The following MYO9A variants were observed in gnomAD, a reference collection of about 807,000 sequenced individuals.
MYO9A encodes the protein unconventional myosin-IXa.
Under a neutral mutation model 293.3 loss-of-function variants are expected in MYO9A, and 103 were observed. The ratio of observed to expected loss-of-function variants is 0.35; its 90% CI spans 0.30 to 0.41. The LOEUF (loss-of-function observed/expected upper bound fraction) is 0.41, where lower values mean the gene tolerates loss of function less well. Ranked by LOEUF, MYO9A falls within the 10% of genes least tolerant of loss-of-function variation. The pLI is 1.00. For synonymous variants in MYO9A, 1,001 were observed against 1,035.7 expected, an observed-to-expected ratio of 0.97 and a Z score of 0.64; for missense variants, 2,685 against 3,033.0, an observed-to-expected ratio of 0.89 and a Z score of 2.69.
Position 71,897,837 on chromosome 15 carries a change from T to C in MYO9A, c.4666A>G (p.Arg1556Gly), listed in dbSNP as rs374222837. The change falls in exon 25 of 42, where the codon AGG becomes GGG. Residue 1556 changes from arginine to glycine, a missense_variant. Around this residue, in one of 10 missense-constraint regions of MYO9A, gnomAD observed 1,434 missense variants for 1,497.7 expected, o/e 0.96. Transcript: ENST00000356056. ...TTTAAGCTGAGGAGAGAGGATGGCC[T>C]CTCTACTCTTTGCTTTGACTGATAG... Reference protein sequence around the residue: ...SSYQSKQRVERPSSLLSLNTS... With the variant: ...SSYQSKQRVEGPSSLLSLNTS... The C allele has an allele frequency of 2.5e-6, 4 of 1,613,996 alleles. No individual in the cohort carries two copies. The African/African-American group carries it at 5.3e-5, about 22-fold the overall frequency.
intron 12 of MYO9A, among the ~76,000 whole-genome samples, chr15:71,971,024 G>A (rs1221796782): frequency 6.6e-6 from 1 of 151,988 alleles, no homozygotes; most frequent in African/African-American, 2.4e-5. Flanking sequence ...AGCCGGGCAT[G>A]GGGGCGGGCG....
At chr15:71,893,603 T>C in intron 26 of MYO9A, 76 bp downstream of exon 26, 1 of 1,212,780 alleles carries the variant, frequency 8.2e-7, no homozygotes, top group Non-Finnish European at 1.2e-6. Flanking sequence ...GTGCTCTACC[T>C]ACAAGAATAA....
At chr15:71,887,924 T>TA in intron 27 of MYO9A, 80 bp downstream of exon 27, 1 of 785,194 alleles carries the variant, frequency 1.3e-6, no homozygotes, top group Non-Finnish European at 1.9e-6. Flanking sequence ...ATGGTTTTTT[T>TA]AAAAAAGCTC....
intron 18 of MYO9A, among the ~76,000 whole-genome samples, chr15:71,927,177 G>A (rs188304369): frequency 2.6e-5 from 4 of 152,186 alleles, no homozygotes; most frequent in Admixed American, 2.6e-4. Context: ...TTGGCAAAAT[G>A]TCTTTTGGCT....
At chr15:72,037,617 C>A (rs2078095781) in intron 2 of MYO9A, among the ~76,000 whole-genome samples, 1 of 152,126 alleles carries the variant, frequency 6.6e-6, no homozygotes, top group African/African-American at 2.4e-5. Flanking sequence ...ACCACTATAA[C>A]TGAGTACAGT....
intron 15 of MYO9A, among the ~76,000 whole-genome samples, chr15:71,948,445 C>T (rs920743449): frequency 1.3e-5 from 2 of 152,096 alleles, no homozygotes; most frequent in African/African-American, 4.8e-5. Flanking sequence ...AAAAGGAGAA[C>T]ATTTTTGTAC....
intron 39 of MYO9A, among the ~76,000 whole-genome samples, chr15:71,848,222 T>C (rs16953747): frequency 0.072 from 10,944 of 150,982 alleles, 727 homozygotes; most frequent in East Asian, 0.18. Flanking sequence ...GCTGAAGCTA[T>C]TGATTAGTGG....
rs2079449911 is a variant in MYO9A at position 72,078,828 on chromosome 15, A to G, written c.-71-32194T>C. The stretch of plus-strand genomic sequence containing the variant: ...CAAACGAGCTATCGAACCATGAAAA[A>G]ATACAGAGGAATCTTAAATATACAT... On this transcript the variant is annotated intron_variant, in intron 1 of 41. Coordinates refer to ENST00000356056, the MANE Select transcript of MYO9A (RefSeq NM_006901.4). 3.3e-5 allele frequency among the ~76,000 whole-genome samples: 5 copies of G among 152,216 alleles called. No individual in the cohort carries two copies. In the South Asian group the frequency reaches 1.0e-3, roughly 32 times the overall value.
At chr15:72,090,136 G>A (rs1032796766) in intron 1 of MYO9A, among the ~76,000 whole-genome samples, 7 of 152,146 alleles carry the variant, frequency 4.6e-5, no homozygotes, top group African/African-American at 1.4e-4. Flanking sequence ...TAGCCCACTG[G>A]TAAAATTACA....
intron 1 of MYO9A, among the ~76,000 whole-genome samples, chr15:72,112,950 G>A (rs917761846): frequency 1.3e-5 from 2 of 152,056 alleles, no homozygotes; most frequent in African/African-American, 2.4e-5. Context: ...TATATTTTTA[G>A]GCTGGGCACA....
chr15:72,010,068 TTAAG>T (rs1202991161), intron 7 of MYO9A, among the ~76,000 whole-genome samples: 1 of 152,084 alleles, frequency 6.6e-6, no homozygotes, highest in Non-Finnish European at 1.5e-5. Context: ...AGCAAAAGTT[TTAAG>T]TAAGGTCCAT....
At chr15:72,048,266 G>A (rs2078450756) in intron 1 of MYO9A, among the ~76,000 whole-genome samples, 1 of 151,510 alleles carries the variant, frequency 6.6e-6, no homozygotes, top group Non-Finnish European at 1.5e-5. Flanking sequence ...AGGCATGGTG[G>A]CACGTCCCTG....
At chr15:71,893,116 G>A in intron 26 of MYO9A, 1 of 1,290,090 alleles carries the variant, frequency 7.8e-7, no homozygotes, top group Non-Finnish European at 1.0e-6. Flanking sequence ...AGTACCTCTA[G>A]TCAAGAAATC....
chr15:72,035,052 C>A (rs1184814326), intron 2 of MYO9A, among the ~76,000 whole-genome samples: 3 of 152,150 alleles, frequency 2.0e-5, no homozygotes, highest in Non-Finnish European at 4.4e-5. Flanking sequence ...GTCAAGACCA[C>A]AATGAGATAC....
Position 71,893,684 on chromosome 15 carries a change from T to C in MYO9A, c.5137A>G (p.Arg1713Gly), listed in dbSNP as rs749202322. 2.5e-6 allele frequency: 4 copies of C among 1,612,836 alleles called. No individual in the cohort carries two copies. In the African/African-American group the frequency reaches 5.3e-5, roughly 22 times the overall value. Residue 1713 changes from arginine to glycine, a missense_variant, in exon 26 of 42, where the codon AGA (arginine) becomes GGA (glycine). Transcript: ENST00000356056. ...KPVKLAGPGQ[R>G]ETSQRFSSVD... ...AACAAAAACTCAAAACTTACCTCTC[T>C]TTGGCCTGGCCCAGCTAACTTCACA...
chr15:72,090,544 T>G (rs1247401252), intron 1 of MYO9A, among the ~76,000 whole-genome samples: 1 of 152,198 alleles, frequency 6.6e-6, no homozygotes, highest in African/African-American at 2.4e-5. Flanking sequence ...AAATTCTTAC[T>G]TAAATTACCT....
chr15:71,852,698 T>G (rs2055705838), intron 35 of MYO9A, among the ~76,000 whole-genome samples: 1 of 152,314 alleles, frequency 6.6e-6, no homozygotes, highest in East Asian at 1.9e-4. Context: ...ACTAACCTAT[T>G]TTCCACAATG....
Position 71,824,916 on chromosome 15 carries a change from G to GGA in MYO9A, c.*1662_*1663dup, listed in dbSNP as rs933294807. The GGA allele has an allele frequency of 6.6e-5, 10 of 152,250 alleles. No homozygotes were observed. Among genetic ancestry groups the GGA allele is most frequent in the African/African-American group, 1.4e-4 (6 of 41,544 alleles). The allele number at this position is 152,250 out of a possible 1,614,324, so 9.4% of individuals were successfully genotyped here. A position where few individuals can be genotyped will look rare whatever the true frequency, so the allele number is the denominator to read the frequency against. ...GCGTGAGGTTCAGTGTTGTGTAACA[G>GGA]GAGAGAGAGACTCTGCCTTAACAAA... On this transcript the variant is annotated 3_prime_UTR_variant, in exon 42 of 42. Coordinates refer to ENST00000356056, the MANE Select transcript of MYO9A (RefSeq NM_006901.4).
chr15:71,912,104 C>T (rs1051422863), intron 19 of MYO9A, among the ~76,000 whole-genome samples: 1 of 152,056 alleles, frequency 6.6e-6, no homozygotes, highest in Non-Finnish European at 1.5e-5. Context: ...TAATACTATA[C>T]CATGTTCTGT....
Sources: allele counts gnomAD v4.1 joint callset (sites outside exome capture counted in the v4.1 genomes callset), GRCh38; gene constraint gnomAD v4.1.1; regional missense constraint gnomAD v4.1.1; transcripts MANE v1.5; gene names NCBI Gene and HGNC (gene_info 2026-07-23, HGNC 2026-07-21).